Variants in PCDHGA1 observed in about 807,000 individuals in gnomAD.
PCDHGA1 encodes the protein protocadherin gamma subfamily A, 1, also known as protocadherin gamma-A1.
PCDHGA1 carries 32 observed loss-of-function variants against 58.0 expected under a neutral mutation model. That is an observed-to-expected ratio of 0.55 (90% CI 0.42 to 0.74). PCDHGA1 has a LOEUF of 0.74. Ranked by LOEUF, PCDHGA1 falls within the 30% of genes least tolerant of loss-of-function variation. The pLI, the probability that PCDHGA1 is intolerant of heterozygous loss-of-function variation, is 0.00. For synonymous variants in PCDHGA1, 498 were observed against 501.1 expected, an observed-to-expected ratio of 0.99 and a Z score of 0.08; for missense variants, 1,205 against 1,182.3, an observed-to-expected ratio of 1.02 and a Z score of -0.28.
At chr5:141,345,078 A>G (rs368977574) in intron 1 of PCDHGA1, 9 of 1,613,988 alleles carry the variant, frequency 5.6e-6, no homozygotes, top group Non-Finnish European at 6.8e-6. Flanking sequence ...AGAAATTACA[A>G]TCACGTCTCT....
intron 1 of PCDHGA1, chr5:141,396,067 T>C (rs924469652): frequency 6.6e-6 from 1 of 152,222 alleles, no homozygotes; most frequent in African/African-American, 2.4e-5. Context: ...GCTGTTTCGG[T>C]TGTGCATTGA....
chr5:141,403,895 T>C, intron 1 of PCDHGA1: 1 of 1,613,884 alleles, frequency 6.2e-7, no homozygotes, highest in Non-Finnish European at 8.5e-7. Context: ...ATGTTCATTT[T>C]ATGAAATGGA....
chr5:141,461,988 T>A (rs771762127), intron 1 of PCDHGA1, among the ~76,000 whole-genome samples: 1 of 152,170 alleles, frequency 6.6e-6, no homozygotes, highest in Non-Finnish European at 1.5e-5. Flanking sequence ...CACGCCAGGC[T>A]AATTTTGTAT....
In PCDHGA1 at chr5:141,490,274, A is replaced by G. The variant is rs1285515971; in HGVS notation, c.2422-4533A>G. The G allele has an allele frequency of 6.2e-7, 1 of 1,614,228 alleles. No individual in the cohort carries two copies. Among genetic ancestry groups the G allele is most frequent in the Non-Finnish European group, 8.5e-7 (1 of 1,180,038 alleles). On this transcript the variant is annotated intron_variant, in intron 1 of 3. Transcript: ENST00000517417. This position sits in a 1 kb window ranked among gnomAD's most constrained non-coding sequence, Gnocchi z 5.4. ...CAAGTGGATGTGGGGGATGTCAATGACAATGCCCCAGAGGTGCTATTGGCC... is the reference window on the plus strand; with the variant it reads ...CAAGTGGATGTGGGGGATGTCAATGGCAATGCCCCAGAGGTGCTATTGGCC...
chr5:141,409,459 T>A lies in PCDHGA1; in HGVS notation c.2421+76354T>A, dbSNP rs139792503. 3.7e-6 allele frequency: 6 copies of A among 1,613,832 alleles called. 1 individual carries two copies. The highest frequency in any genetic ancestry group is 3.3e-4 in the Middle Eastern group (2 of 6,084). ...ACCGAGAGCAGACACCAGAATACAATGTCACCATCGTAGCCACTGACAGGG... is the reference window on the plus strand; with the variant it reads ...ACCGAGAGCAGACACCAGAATACAAAGTCACCATCGTAGCCACTGACAGGG... On this transcript the variant is annotated intron_variant, in intron 1 of 3. Transcript: ENST00000517417.
chr5:141,351,635 G>A (rs988435575), intron 1 of PCDHGA1: 1 of 1,614,044 alleles, frequency 6.2e-7, no homozygotes, highest in Admixed American at 1.7e-5. Context: ...CCACGTGTCT[G>A]AGAACAACCC....
At chr5:141,405,672 G>C (rs755545370) in intron 1 of PCDHGA1, among the ~76,000 whole-genome samples, 3 of 152,024 alleles carry the variant, frequency 2.0e-5, no homozygotes, top group Non-Finnish European at 4.4e-5. Flanking sequence ...GAGACGGGGT[G>C]TCACCATGTT....
chr5:141,381,026 C>A (rs1409313580), intron 1 of PCDHGA1, among the ~76,000 whole-genome samples: 1 of 152,144 alleles, frequency 6.6e-6, no homozygotes, highest in Non-Finnish European at 1.5e-5. Flanking sequence ...CTATTAGTTC[C>A]TTTAAACAAA....
At position 141,332,924 on chromosome 5, in the gene PCDHGA1, G is replaced by T. The variant is rs755327184; in HGVS notation, c.2240G>T (p.Arg747Leu). The T allele has an allele frequency of 6.2e-7, 1 of 1,614,194 alleles. No homozygotes were observed. Among genetic ancestry groups the T allele is most frequent in the Non-Finnish European group, 8.5e-7 (1 of 1,180,042 alleles). ...GSHFVGVDGVRAFLQTYSHEV... is the reference protein window; with the variant it reads ...GSHFVGVDGVLAFLQTYSHEV... ...CACTTTGTGGGCGTGGACGGGGTTC[G>T]GGCTTTCCTGCAGACCTATTCCCAC... Residue 747 changes from arginine to leucine, a missense_variant, in exon 1 of 4, where the codon CGG (arginine) becomes CTG (leucine). Coordinates refer to ENST00000517417, the MANE Select transcript of PCDHGA1 (RefSeq NM_018912.3). This position sits in a 1 kb window ranked among gnomAD's most constrained non-coding sequence, Gnocchi z 4.6.
At chr5:141,399,910 G>T in intron 1 of PCDHGA1, 1 of 1,612,438 alleles carries the variant, frequency 6.2e-7, no homozygotes, top group Non-Finnish European at 8.5e-7. Context: ...CGCAGACTCA[G>T]GACACAACGC....
intron 1 of PCDHGA1, among the ~76,000 whole-genome samples, chr5:141,446,430 T>A (rs1468987045): frequency 6.6e-6 from 1 of 152,058 alleles, no homozygotes; most frequent in Non-Finnish European, 1.5e-5. Flanking sequence ...ATTTGAAGGA[T>A]CTGAGAAACA....
intron 1 of PCDHGA1, among the ~76,000 whole-genome samples, chr5:141,463,641 C>T (rs182957065): frequency 2.0e-5 from 3 of 151,734 alleles, no homozygotes; most frequent in African/African-American, 7.2e-5. Context: ...TTAGTAGAGA[C>T]GGGGTTTCAC....
chr5:141,356,202 G>C, intron 1 of PCDHGA1: 1 of 1,607,648 alleles, frequency 6.2e-7, no homozygotes, highest in Non-Finnish European at 8.5e-7. Flanking sequence ...GCAAGGTACT[G>C]GTGACAGTTC....
intron 1 of PCDHGA1, chr5:141,371,313 C>G: frequency 6.2e-7 from 1 of 1,613,964 alleles, no homozygotes; most frequent in Non-Finnish European, 8.5e-7. Context: ...TATTGGAGAA[C>G]TGGACTTTGA....
intron 1 of PCDHGA1, chr5:141,350,201 G>A (rs1347326846): frequency 6.2e-6 from 9 of 1,440,752 alleles, no homozygotes; most frequent in Non-Finnish European, 8.3e-6. Context: ...AGTCCAGGGT[G>A]CTGCCATTTC....
At position 141,433,030 on chromosome 5, in the gene PCDHGA1, T is replaced by C. The variant is rs116611363; in HGVS notation, c.2422-61777T>C. ...TCCTGCAGACCTATTCCCACGAGGTTTCCCTCACCACGGACTCGCGGAAGA... is the reference window on the plus strand; with the variant it reads ...TCCTGCAGACCTATTCCCACGAGGTCTCCCTCACCACGGACTCGCGGAAGA... On this transcript the variant is annotated intron_variant, in intron 1 of 3. Transcript: ENST00000517417. 10,352 of 1,614,096 alleles carry C rather than the reference T, an allele frequency of 6.4e-3. 43 individuals are homozygous for C. The highest frequency in any genetic ancestry group is 8.6e-3 in the Middle Eastern group (52 of 6,062).
chr5:141,403,315 A>C, intron 1 of PCDHGA1: 1 of 1,613,974 alleles, frequency 6.2e-7, no homozygotes, highest in African/African-American at 1.3e-5. Flanking sequence ...GAATAGAAAT[A>C]GAAGTAACTG....
In PCDHGA1 at chr5:141,489,684, T is replaced by A; in HGVS notation, c.2422-5123T>A. 1 of 1,614,180 alleles carries A rather than the reference T, an allele frequency of 6.2e-7. No homozygotes were observed. Among genetic ancestry groups the A allele is most frequent in the South Asian group, 1.1e-5 (1 of 91,078 alleles). ...TGCGCATCTCAGAATCAGCAGCATC[T>A]GGGGCACGATTCCCACTGGACAGTG... On this transcript the variant is annotated intron_variant, in intron 1 of 3. Transcript: ENST00000517417. This position sits in a 1 kb window ranked among gnomAD's most constrained non-coding sequence, Gnocchi z 4.5.
intron 1 of PCDHGA1, chr5:141,372,633 A>G: frequency 6.2e-7 from 1 of 1,613,996 alleles, no homozygotes; most frequent in South Asian, 1.1e-5. Context: ...CAGCGAAAGG[A>G]CTTTGCCTTA....
Sources: allele counts gnomAD v4.1 joint callset (sites outside exome capture counted in the v4.1 genomes callset), GRCh38; gene constraint gnomAD v4.1.1; non-coding constraint Gnocchi (gnomAD v3.1); transcripts MANE v1.5; gene names NCBI Gene and HGNC (gene_info 2026-07-23, HGNC 2026-07-21).